Variants in CCDC57 observed in about 807,000 individuals in gnomAD.
The protein encoded by CCDC57 is coiled-coil domain-containing protein 57.
CCDC57 carries 118 observed loss-of-function variants against 118.9 expected under a neutral mutation model. That is an observed-to-expected ratio of 0.99 (90% confidence interval 0.86 to 1.16). CCDC57 has a LOEUF of 1.16. CCDC57 is among the 50% of genes most tolerant of loss of function. The pLI, the probability that CCDC57 is intolerant of heterozygous loss-of-function variation, is 0.00. For synonymous variants in CCDC57, 527 were observed against 532.9 expected (o/e 0.99, Z 0.15); for missense variants, 1,300 against 1,320.7 (o/e 0.98, Z 0.24).
At chr17:82,161,969 T>C (rs899657098) in intron 14 of CCDC57, among the ~76,000 whole-genome samples, 1 of 151,574 alleles carries the variant, frequency 6.6e-6, no homozygotes, top group African/African-American at 2.4e-5. Flanking sequence ...ATGGTAAACT[T>C]TGTTATATAT....
chr17:82,141,981 C>T (rs1011013248), intron 16 of CCDC57, among the ~76,000 whole-genome samples: 3 of 152,088 alleles, frequency 2.0e-5, no homozygotes, highest in African/African-American at 7.2e-5. Flanking sequence ...CCTGCCTCTC[C>T]CCTCTACCAG....
intron 19 of CCDC57, among the ~76,000 whole-genome samples, chr17:82,121,745 T>A (rs1341794418): frequency 6.6e-6 from 1 of 152,200 alleles, no homozygotes; most frequent in African/African-American, 2.4e-5. Context: ...GGGCCGTGCA[T>A]GCCGCCTGCT....
chr17:82,179,132 C>T, exon 10 of CCDC57: 11 of 1,614,042 alleles, frequency 6.8e-6, no homozygotes, highest in Admixed American at 1.7e-5. Context: ...CCAGCTGCAC[C>T]TGATCACGCT....
intron 16 of CCDC57, among the ~76,000 whole-genome samples, chr17:82,135,621 T>C (rs1034318989): frequency 6.6e-6 from 1 of 152,140 alleles, no homozygotes; most frequent in Non-Finnish European, 1.5e-5. Flanking sequence ...TATAAACACC[T>C]GAATTTAAAA....
intron 14 of CCDC57, among the ~76,000 whole-genome samples, chr17:82,162,605 G>A (rs1279542210): frequency 7.4e-6 from 1 of 135,724 alleles, no homozygotes; most frequent in African/African-American, 2.8e-5. Context: ...CCGCACACAC[G>A]CCCCACTGAC....
intron 19 of CCDC57, chr17:82,126,699 G>C (rs2037482616): frequency 1.0e-6 from 1 of 985,452 alleles, no homozygotes; most frequent in African/African-American, 1.7e-5. Context: ...ACCACACGTG[G>C]CACGCGGGCA....
Position 82,201,527 on chromosome 17 carries a change from C to A in CCDC57, c.407+11G>T, listed in dbSNP as rs11657459. The A allele has an allele frequency of 0.21, 327,491 of 1,583,890 alleles. 36,024 individuals are homozygous for A. Among genetic ancestry groups the A allele is most frequent in the Non-Finnish European group, 0.23 (269,066 of 1,168,768 alleles). On this transcript the variant is annotated intron_variant, in intron 3 of 19. Coordinates refer to ENST00000665763, the Ensembl canonical transcript of CCDC57. ...GCACTGCACAGGAGGGCGCGTCGGTCGGTGGCTCACCTGTGGACGCGCTCC... is the reference window on the plus strand; with the variant it reads ...GCACTGCACAGGAGGGCGCGTCGGTAGGTGGCTCACCTGTGGACGCGCTCC...
intron 2 of CCDC57, among the ~76,000 whole-genome samples, chr17:82,203,418 G>T (rs1187443650): frequency 6.6e-6 from 1 of 152,124 alleles, no homozygotes; most frequent in Admixed American, 6.6e-5. Flanking sequence ...CCATCCGAGA[G>T]TACATTCTTT....
At chr17:82,202,305 A>G (rs2049091820) in intron 2 of CCDC57, among the ~76,000 whole-genome samples, 1 of 152,048 alleles carries the variant, frequency 6.6e-6, no homozygotes, top group South Asian at 2.1e-4. Context: ...CGTCTCTACT[A>G]AAAATACAAA....
At chr17:82,125,086 C>T (rs1405019157) in intron 19 of CCDC57, among the ~76,000 whole-genome samples, 10 of 152,164 alleles carry the variant, frequency 6.6e-5, no homozygotes, top group Admixed American at 2.0e-4. Flanking sequence ...GCGCCACATT[C>T]GTGATGCCAG....
intron 14 of CCDC57, among the ~76,000 whole-genome samples, chr17:82,158,281 T>C (rs985602258): frequency 6.6e-6 from 1 of 152,148 alleles, no homozygotes; most frequent in African/African-American, 2.4e-5. Context: ...CCTCCAGAAT[T>C]GCAAGTAACC....
intron 17 of CCDC57, among the ~76,000 whole-genome samples, chr17:82,130,890 C>A (rs1310122673): frequency 6.6e-6 from 1 of 151,270 alleles, no homozygotes; most frequent in Admixed American, 6.6e-5. Context: ...CAGCTCACTG[C>A]AACCTCTGCC....
chr17:82,151,746 C>T, exon 16 of CCDC57: 1 of 1,550,244 alleles, frequency 6.5e-7, no homozygotes, highest in Non-Finnish European at 8.7e-7. Flanking sequence ...TGGTCCTCGG[C>T]CTCCATAGGC....
intron 8 of CCDC57, among the ~76,000 whole-genome samples, chr17:82,187,460 A>G (rs866214200): frequency 7.5e-6 from 1 of 134,206 alleles, no homozygotes; most frequent in Admixed American, 8.0e-5. Flanking sequence ...GCATGATTCC[A>G]ACTTACAGGA....
At chr17:82,194,438 G>C (rs2048057765) in intron 5 of CCDC57, among the ~76,000 whole-genome samples, 1 of 151,972 alleles carries the variant, frequency 6.6e-6, no homozygotes, top group Non-Finnish European at 1.5e-5. Flanking sequence ...AGCCTCACGA[G>C]TAGCTGGGAT....
chr17:82,171,946 T>A, intron 12 of CCDC57, 93 bp from the exon 12 acceptor site: 1 of 1,359,714 alleles, frequency 7.4e-7, no homozygotes, highest in Non-Finnish European at 1.0e-6. Flanking sequence ...CGATGCCAGC[T>A]CATGCCCGCC....
At chr17:82,140,922 T>C (rs982180329) in intron 16 of CCDC57, among the ~76,000 whole-genome samples, 1 of 152,220 alleles carries the variant, frequency 6.6e-6, no homozygotes, top group Admixed American at 6.5e-5. Context: ...AGGTGAAATC[T>C]GGCGGGTTCT....
intron 16 of CCDC57, among the ~76,000 whole-genome samples, chr17:82,147,572 TACGA>T (rs2040936733): frequency 2.0e-5 from 2 of 99,510 alleles, no homozygotes; most frequent in African/African-American, 4.0e-5. Context: ...TGGGTGGGTG[TACGA>T]ATGGATGGAT....
intron 16 of CCDC57, among the ~76,000 whole-genome samples, chr17:82,147,739 G>GGGTA (rs2041002755): frequency 7.3e-6 from 1 of 136,608 alleles, no homozygotes; most frequent in Non-Finnish European, 1.6e-5. Flanking sequence ...ATGGGTGGGT[G>GGGTA]GATGGTAGAT....
Sources: gnomAD v4.1 joint callset for allele counts (sites outside exome capture counted in the v4.1 genomes callset) on GRCh38, gnomAD v4.1.1 for gene constraint, MANE v1.5 for transcripts, NCBI Gene and HGNC (gene_info 2026-07-23, HGNC 2026-07-21) for gene names.